HSD17B12: variants seen among roughly 807,000 people sequenced by gnomAD.
The protein encoded by HSD17B12 is very-long-chain 3-oxoacyl-CoA reductase.
In HSD17B12, 32 loss-of-function variants were observed where a neutral mutation model predicts 39.3. That is an observed-to-expected ratio of 0.81 (90% CI 0.61 to 1.09). The LOEUF is 1.09. Among genes scored for constraint, HSD17B12 ranks in the 50% least tolerant of loss-of-function variants. The probability of loss-of-function intolerance (pLI) is 0.00; values close to 1 mark genes in which losing one functional copy is unlikely to be tolerated. For synonymous variants in HSD17B12, 150 were observed against 146.7 expected (o/e 1.02, Z -0.16); for missense variants, 342 against 382.9 (o/e 0.89, Z 0.89).
chr11:43,615,667 C>T, the HSD17B12 span, among the ~76,000 whole-genome samples: 1 of 152,178 alleles, frequency 6.6e-6, no homozygotes, highest in Admixed American at 6.5e-5. Context: ...ACATTTTTTC[C>T]CCCTGACTGT....
intron 1 of HSD17B12, among the ~76,000 whole-genome samples, chr11:43,730,001 G>A (rs771704066): frequency 4.0e-5 from 6 of 150,812 alleles, no homozygotes; most frequent in Non-Finnish European, 8.9e-5. Flanking sequence ...TTAAATCACA[G>A]CTCTGACTTG....
At chr11:43,731,657 C>T (rs1206829167) in intron 1 of HSD17B12, among the ~76,000 whole-genome samples, 1 of 152,134 alleles carries the variant, frequency 6.6e-6, no homozygotes, top group Non-Finnish European at 1.5e-5. Context: ...GTCATCCTGA[C>T]AAGCTGGGAA....
chr11:43,616,665 CA>C, the HSD17B12 span, among the ~76,000 whole-genome samples: 1 of 151,662 alleles, frequency 6.6e-6, no homozygotes, highest in East Asian at 1.9e-4. Context: ...GGTCCATGGT[CA>C]ATAGGCAGAA....
At chr11:43,846,391 C>T (rs1379244114) in intron 9 of HSD17B12, among the ~76,000 whole-genome samples, 4 of 152,200 alleles carry the variant, frequency 2.6e-5, no homozygotes, top group East Asian at 1.9e-4. Context: ...GTGCTGGGCA[C>T]GGTGGCTCAC....
rs540313129 is a variant in HSD17B12, at chr11:43,744,756, C to T, written c.161-6155C>T. Among the ~76,000 whole-genome samples, 182 of 152,246 alleles carry T rather than the reference C, an allele frequency of 1.2e-3. 3 individuals carry two copies. The highest frequency in any genetic ancestry group is 0.011 in the Admixed American group (161 of 15,292). On this transcript the variant is annotated intron_variant, in intron 1 of 10. Transcript: ENST00000278353. Reference sequence around the variant, plus strand: ...TGTGAGGTGTATTCAGGAATGTTCTCAGGAATAACACCTGTGAGGAAGCAA... The same window carrying T: ...TGTGAGGTGTATTCAGGAATGTTCTTAGGAATAACACCTGTGAGGAAGCAA...
At chr11:43,557,217 T>G in the HSD17B12 span, among the ~76,000 whole-genome samples, 1 of 152,180 alleles carries the variant, frequency 6.6e-6, no homozygotes, top group East Asian at 1.9e-4. Flanking sequence ...CCGTCTTGGC[T>G]TCCCCCACCC....
the HSD17B12 span, among the ~76,000 whole-genome samples, chr11:43,614,775 G>T: frequency 2.0e-5 from 3 of 151,876 alleles, no homozygotes; most frequent in Admixed American, 2.0e-4. Flanking sequence ...TTTTATTTTA[G>T]ATATCATAAT....
At chr11:43,653,555 C>T in the HSD17B12 span, among the ~76,000 whole-genome samples, 1 of 152,060 alleles carries the variant, frequency 6.6e-6, no homozygotes, top group African/African-American at 2.4e-5. Flanking sequence ...TTCCCCCTCC[C>T]CCACCTCACA....
chr11:43,821,420 A>G (rs2135091754), intron 6 of HSD17B12, among the ~76,000 whole-genome samples: 1 of 152,344 alleles, frequency 6.6e-6, no homozygotes, highest in South Asian at 2.1e-4. Context: ...GAGAAGTCCT[A>G]CCAGACAGAG....
the HSD17B12 span, among the ~76,000 whole-genome samples, chr11:43,606,282 A>G: frequency 6.6e-6 from 1 of 152,212 alleles, no homozygotes; most frequent in African/African-American, 2.4e-5. Flanking sequence ...TATGGGGGCA[A>G]TTCACCTGCA....
chr11:43,835,575 CAG>C (rs1951361504), intron 7 of HSD17B12, among the ~76,000 whole-genome samples: 1 of 152,170 alleles, frequency 6.6e-6, no homozygotes, highest in South Asian at 2.1e-4. Flanking sequence ...AATGGTAGGA[CAG>C]AGATTTGTAG....
the HSD17B12 span, among the ~76,000 whole-genome samples, chr11:43,560,801 A>G: frequency 6.6e-6 from 1 of 152,346 alleles, no homozygotes; most frequent in East Asian, 1.9e-4. Flanking sequence ...GGGCCCTGCA[A>G]CTACACAAGT....
chr11:43,714,857 T>G (rs1194813148), intron 1 of HSD17B12, among the ~76,000 whole-genome samples: 1 of 152,202 alleles, frequency 6.6e-6, no homozygotes, highest in Non-Finnish European at 1.5e-5. Context: ...GTAAGTTGGA[T>G]TCCTAGGTAT....
In HSD17B12 at chr11:43,820,510, G is replaced by A. The variant is rs181011733; in HGVS notation, c.501+4119G>A. Among the ~76,000 whole-genome samples the A allele has an allele frequency of 1.5e-3, 234 of 152,290 alleles. 1 individual carries two copies. Among genetic ancestry groups the A allele is most frequent in the Non-Finnish European group, 2.2e-3 (149 of 68,028 alleles). The stretch of plus-strand genomic sequence containing the variant: ...CATTTTCAGTAGCAATGGCTGTTTG[G>A]AGCCCTGGGGTAACTTAAAAGAAGA... On this transcript the variant is annotated intron_variant, in intron 6 of 10. Coordinates refer to ENST00000278353, the MANE Select transcript of HSD17B12 (RefSeq NM_016142.3).
chr11:43,661,066 A>G, the HSD17B12 span, among the ~76,000 whole-genome samples: 258 of 152,316 alleles, frequency 1.7e-3, 1 homozygote, highest in African/African-American at 6.0e-3. Context: ...CAGAGGTTGC[A>G]GTGAGCTAAG....
At chr11:43,597,261 A>T in the HSD17B12 span, among the ~76,000 whole-genome samples, 1 of 152,240 alleles carries the variant, frequency 6.6e-6, no homozygotes, top group Non-Finnish European at 1.5e-5. Flanking sequence ...TAGAAAGATC[A>T]TGAATTAAGG....
At chr11:43,563,613 G>T in the HSD17B12 span, among the ~76,000 whole-genome samples, 1 of 152,290 alleles carries the variant, frequency 6.6e-6, no homozygotes, top group South Asian at 2.1e-4. Context: ...CCAGGAGTTC[G>T]AGACCAGCCT....
intron 6 of HSD17B12, among the ~76,000 whole-genome samples, chr11:43,826,081 C>CTTTTTTTTT (rs71481435): frequency 1.3e-5 from 1 of 75,278 alleles, no homozygotes; most frequent in African/African-American, 4.3e-5. Context: ...CTTTTTTTTT[C>CTTTTTTTTT]TTTTTTTTTT....
intron 6 of HSD17B12, among the ~76,000 whole-genome samples, chr11:43,817,176 C>G (rs899605348): frequency 2.3e-4 from 35 of 151,986 alleles, no homozygotes; most frequent in African/African-American, 7.7e-4. Flanking sequence ...CCTTAGTCCA[C>G]TTTTTCATGG....
Sources: allele counts gnomAD v4.1 joint callset (sites outside exome capture counted in the v4.1 genomes callset), GRCh38; gene constraint gnomAD v4.1.1; transcripts MANE v1.5; gene names NCBI Gene and HGNC (gene_info 2026-07-23, HGNC 2026-07-21).